Variants in MYO9A observed in about 807,000 individuals in gnomAD.
MYO9A encodes the protein myosin IXA.
A neutral mutation model predicts 293.3 loss-of-function variants in MYO9A; 103 were observed. That is an observed-to-expected ratio of 0.35 (90% CI 0.30 to 0.41). The LOEUF (loss-of-function observed/expected upper bound fraction) is 0.41. Among genes scored for constraint, MYO9A ranks in the 10% least tolerant of loss-of-function variants. The pLI is 1.00. For missense variants in MYO9A, 2,685 were observed against 3,033.0 expected, an observed-to-expected ratio of 0.89 and a Z score of 2.69; for synonymous variants, 1,001 against 1,035.7, an observed-to-expected ratio of 0.97 and a Z score of 0.64.
intron 18 of MYO9A, among the ~76,000 whole-genome samples, chr15:71,932,264 T>G (rs923824831): frequency 1.7e-4 from 26 of 152,108 alleles, no homozygotes; most frequent in Non-Finnish European, 1.5e-5. Context: ...TATCTCATCT[T>G]GGGGGAAAAA....
intron 11 of MYO9A, among the ~76,000 whole-genome samples, chr15:71,986,761 A>G (rs1407885346): frequency 6.6e-6 from 1 of 152,226 alleles, no homozygotes; most frequent in Non-Finnish European, 1.5e-5. Context: ...TGGCTACTAC[A>G]AAAGTCAAAA....
At chr15:71,836,244 G>C (rs1484628753) in intron 39 of MYO9A, among the ~76,000 whole-genome samples, 1 of 151,782 alleles carries the variant, frequency 6.6e-6, no homozygotes, top group South Asian at 2.1e-4. Flanking sequence ...TCACAAAAGA[G>C]GATACAGAAA....
At chr15:72,066,621 C>A (rs932804324) in intron 1 of MYO9A, among the ~76,000 whole-genome samples, 1 of 151,966 alleles carries the variant, frequency 6.6e-6, no homozygotes, top group South Asian at 2.1e-4. Flanking sequence ...GTTTCCTTAG[C>A]GGAGAGGAAG....
intron 4 of MYO9A, among the ~76,000 whole-genome samples, chr15:72,022,720 G>C (rs1433277169): frequency 1.3e-5 from 2 of 151,808 alleles, no homozygotes; most frequent in African/African-American, 4.8e-5. Context: ...GCTAATTTTT[G>C]TATTTTTTGT....
intron 19 of MYO9A, among the ~76,000 whole-genome samples, chr15:71,907,292 C>T (rs910118633): frequency 1.7e-4 from 24 of 142,328 alleles, no homozygotes; most frequent in South Asian, 7.1e-4. Context: ...TTTATGGCTG[C>T]GTAGTATTCC....
At chr15:71,883,107 T>C (rs545904429) in intron 28 of MYO9A, among the ~76,000 whole-genome samples, 2 of 152,038 alleles carry the variant, frequency 1.3e-5, no homozygotes, top group East Asian at 3.9e-4. Flanking sequence ...CCTGGCCTAA[T>C]AAAAAAAATT....
At chr15:71,943,267 C>T (rs1596251450) in intron 15 of MYO9A, among the ~76,000 whole-genome samples, 2 of 151,772 alleles carry the variant, frequency 1.3e-5, no homozygotes, top group East Asian at 1.9e-4. Flanking sequence ...TTAAGGTACA[C>T]GTTCAATTTA....
intron 14 of MYO9A, among the ~76,000 whole-genome samples, chr15:71,957,940 T>A (rs1353835691): frequency 6.6e-6 from 1 of 152,204 alleles, no homozygotes; most frequent in African/African-American, 2.4e-5. Flanking sequence ...AAAGCATCAT[T>A]GTACTCAGTT....
intron 6 of MYO9A, among the ~76,000 whole-genome samples, chr15:72,015,955 T>C (rs2149087085): frequency 6.6e-6 from 1 of 152,230 alleles, no homozygotes; most frequent in South Asian, 2.1e-4. Flanking sequence ...CCCAAAGTGC[T>C]GGGATTACAG....
intron 25 of MYO9A, among the ~76,000 whole-genome samples, chr15:71,896,366 C>T (rs932432958): frequency 1.3e-5 from 2 of 152,062 alleles, no homozygotes; most frequent in African/African-American, 4.8e-5. Context: ...CCATAAGAAC[C>T]AAAAGAATCT....
intron 15 of MYO9A, among the ~76,000 whole-genome samples, chr15:71,939,717 G>A (rs2058726266): frequency 6.6e-6 from 1 of 152,162 alleles, no homozygotes; most frequent in Non-Finnish European, 1.5e-5. Context: ...AAAATGTAAT[G>A]TTCTTCAAAT....
rs141270692 is a variant in MYO9A at position 72,038,944 on chromosome 15, T to C, written c.841-6356A>G. 2.0e-4 allele frequency among the ~76,000 whole-genome samples: 31 copies of C among 152,152 alleles called. No individual in the cohort carries two copies. In the East Asian group the frequency reaches 5.6e-3, roughly 27 times the overall value. ...AGTTTAATAACTTAAAATATATACA[T>C]AATCTATATATATTTACCTATAAGA... is the stretch of plus-strand genomic sequence containing the variant. On this transcript the variant is annotated intron_variant, in intron 2 of 41. Coordinates refer to ENST00000356056, the MANE Select transcript of MYO9A (RefSeq NM_006901.4).
chr15:71,936,034 A>C (rs959692492), intron 16 of MYO9A, among the ~76,000 whole-genome samples: 62 of 152,194 alleles, frequency 4.1e-4, no homozygotes, highest in African/African-American at 1.5e-3. Flanking sequence ...GTAACATCAT[A>C]ATTAATGGAG....
At chr15:71,929,206 T>C (rs1332291709) in intron 18 of MYO9A, among the ~76,000 whole-genome samples, 1 of 152,226 alleles carries the variant, frequency 6.6e-6, no homozygotes, top group Non-Finnish European at 1.5e-5. Flanking sequence ...GAGGATTTTC[T>C]ATATAACATT....
chr15:71,838,212 C>G (rs145729748), intron 39 of MYO9A, among the ~76,000 whole-genome samples: 2,041 of 152,144 alleles, frequency 0.013, 31 homozygotes, highest in African/African-American at 0.023. Context: ...ATAGGAGCTT[C>G]TCTTTATTAA....
At chr15:71,916,093 C>A (rs1485619695) in intron 19 of MYO9A, among the ~76,000 whole-genome samples, 3 of 152,074 alleles carry the variant, frequency 2.0e-5, no homozygotes, top group Non-Finnish European at 4.4e-5. Flanking sequence ...GGTTTAAAGG[C>A]AGATTTGTTT....
In MYO9A at chr15:72,074,951, C is replaced by CTTTTTTTTTTTTTT. The variant is rs750462703; in HGVS notation, c.-71-28331_-71-28318dup. On this transcript the variant is annotated intron_variant, in intron 1 of 41. Coordinates refer to ENST00000356056, the MANE Select transcript of MYO9A (RefSeq NM_006901.4). ...CAGTTAGAAATTTCATTTTCACTGC[C>CTTTTTTTTTTTTTT]TTTTTTTTTTTTTTTTTTTTTTTTT... Among the ~76,000 whole-genome samples the CTTTTTTTTTTTTTT allele has an allele frequency of 3.0e-4, 16 of 53,112 alleles. 2 individuals carry two copies. Among genetic ancestry groups the CTTTTTTTTTTTTTT allele is most frequent in the South Asian group, 1.1e-3 (1 of 884 alleles). The allele number at this position is 53,112 out of a possible 152,430, so 34.8% of individuals were successfully genotyped here. A position where few individuals can be genotyped will look rare whatever the true frequency, so the allele number is the denominator to read the frequency against.
chr15:72,067,112 T>A (rs1037282866), intron 1 of MYO9A, among the ~76,000 whole-genome samples: 3 of 148,150 alleles, frequency 2.0e-5, no homozygotes, highest in Admixed American at 6.8e-5. Context: ...TAATCTTATA[T>A]GATATAATCT....
chr15:71,914,160 T>A (rs2057941878), intron 19 of MYO9A, among the ~76,000 whole-genome samples: 1 of 152,132 alleles, frequency 6.6e-6, no homozygotes, highest in African/African-American at 2.4e-5. Context: ...TCTATCTCCA[T>A]CTCTTCAATT....
Sources: allele counts gnomAD v4.1 joint callset (sites outside exome capture counted in the v4.1 genomes callset), GRCh38; gene constraint gnomAD v4.1.1; transcripts MANE v1.5; gene names NCBI Gene and HGNC (gene_info 2026-07-23, HGNC 2026-07-21).